Variants in SAMD12 observed in about 807,000 individuals in gnomAD.
SAMD12 encodes sterile alpha motif domain containing 12.
In SAMD12, 9 loss-of-function variants were observed where a neutral mutation model predicts 15.0. The ratio of observed to expected loss-of-function variants is 0.60; its 90% confidence interval spans 0.36 to 1.05. SAMD12 has a LOEUF of 1.05. SAMD12 is among the 50% of genes least tolerant of loss of function. The probability of loss-of-function intolerance (pLI) is 0.01; values close to 1 mark genes in which losing one functional copy is unlikely to be tolerated. For missense variants in SAMD12, 230 were observed against 234.2 expected, an observed-to-expected ratio of 0.98 and a Z score of 0.12; for synonymous variants, 86 against 90.1, an observed-to-expected ratio of 0.96 and a Z score of 0.25.
At chr8:118,151,922 C>T in the SAMD12 span, among the ~76,000 whole-genome samples, 7 of 151,532 alleles carry the variant, frequency 4.6e-5, no homozygotes, top group African/African-American at 1.5e-4. Context: ...CTGGGATATC[C>T]AAGTGGAGTG....
intron 1 of SAMD12, among the ~76,000 whole-genome samples, chr8:118,613,503 C>T (rs1828157514): frequency 6.6e-6 from 1 of 152,188 alleles, no homozygotes; most frequent in Admixed American, 6.5e-5. Flanking sequence ...TCATACTTGA[C>T]TTTTCATAGC....
chr8:118,364,568 T>A (rs1230175817), intron 4 of SAMD12, among the ~76,000 whole-genome samples: 1 of 152,154 alleles, frequency 6.6e-6, no homozygotes, highest in African/African-American at 2.4e-5. Context: ...TGAATCTGCA[T>A]AGAGCTGGAC....
chr8:118,304,654 G>A (rs547150431), intron 4 of SAMD12, among the ~76,000 whole-genome samples: 15 of 151,948 alleles, frequency 9.9e-5, no homozygotes, highest in African/African-American at 3.6e-4. Flanking sequence ...CAGATACTCG[G>A]GAGGCTGAGG....
intron 2 of SAMD12, among the ~76,000 whole-genome samples, chr8:118,527,550 ACTTT>A (rs758172201): frequency 2.0e-5 from 3 of 152,182 alleles, no homozygotes; most frequent in African/African-American, 7.2e-5. Flanking sequence ...AACAAACTAT[ACTTT>A]CTTTCTTTAC....
chr8:118,431,445 TTTTG>T (rs1164972659), intron 3 of SAMD12, among the ~76,000 whole-genome samples: 1 of 152,154 alleles, frequency 6.6e-6, no homozygotes, highest in African/African-American at 2.4e-5. Flanking sequence ...TTGCTTCAGT[TTTTG>T]TTTGTTTGGG....
At chr8:118,310,772 A>G (rs1388514342) in intron 4 of SAMD12, among the ~76,000 whole-genome samples, 1 of 152,178 alleles carries the variant, frequency 6.6e-6, no homozygotes, top group Non-Finnish European at 1.5e-5. Flanking sequence ...CGCTTCCAAC[A>G]ATTTCCTAAG....
At chr8:118,322,462 T>C (rs1226964588) in intron 4 of SAMD12, among the ~76,000 whole-genome samples, 2 of 152,232 alleles carry the variant, frequency 1.3e-5, no homozygotes, top group African/African-American at 2.4e-5. Context: ...GCTTTTAACG[T>C]AGGTATGGGT....
At chr8:118,383,718 T>TC (rs1207527592) in intron 3 of SAMD12, among the ~76,000 whole-genome samples, 1 of 152,208 alleles carries the variant, frequency 6.6e-6, no homozygotes, top group Admixed American at 6.5e-5. Context: ...GCTGGGCCCT[T>TC]CACCAACTCA....
intron 3 of SAMD12, among the ~76,000 whole-genome samples, chr8:118,435,457 C>CCTT (rs1336474155): frequency 6.6e-6 from 1 of 151,928 alleles, no homozygotes; most frequent in Non-Finnish European, 1.5e-5. Context: ...GCTATGTTTC[C>CCTT]CTTGCAGATG....
chr8:118,608,139 A>C (rs1390926395), intron 1 of SAMD12, among the ~76,000 whole-genome samples: 1 of 151,876 alleles, frequency 6.6e-6, no homozygotes, highest in Non-Finnish European at 1.5e-5. Context: ...ATAAATTTGC[A>C]TCAAGAGTAG....
chr8:118,537,591 T>C (rs905088862), intron 2 of SAMD12, among the ~76,000 whole-genome samples: 4 of 151,280 alleles, frequency 2.6e-5, no homozygotes, highest in Admixed American at 1.3e-4. Flanking sequence ...AGTATGTCAA[T>C]TGCATTTTTC....
chr8:118,172,640 T>C, the SAMD12 span, among the ~76,000 whole-genome samples: 1 of 152,236 alleles, frequency 6.6e-6, no homozygotes, highest in South Asian at 2.1e-4. Context: ...ACATATTTAA[T>C]GTATACAACT....
At position 118,383,289 on chromosome 8, in the gene SAMD12, T is replaced by C. The variant is rs141365056; in HGVS notation, c.323-3589A>G. On this transcript the variant is annotated intron_variant, in intron 3 of 3. Transcript: ENST00000314727. ...TCAGGCTGACAAGGAAGGTAGCTCA[T>C]GGCAAATGTCTACGAGTATGTGATG... is the stretch of plus-strand genomic sequence containing the variant. Among the ~76,000 whole-genome samples the C allele has an allele frequency of 8.8e-4, 134 of 152,214 alleles. 2 individuals carry two copies. In the East Asian group the frequency reaches 0.021, roughly 24 times the overall value.
At chr8:118,248,955 A>G (rs937415198) in intron 4 of SAMD12, among the ~76,000 whole-genome samples, 42 of 152,128 alleles carry the variant, frequency 2.8e-4, no homozygotes, top group Middle Eastern at 3.4e-3. Context: ...AATAAAAGGC[A>G]TGTGTGTGTG....
chr8:118,278,841 C>T (rs564631319), intron 4 of SAMD12, among the ~76,000 whole-genome samples: 68 of 152,292 alleles, frequency 4.5e-4, no homozygotes, highest in Admixed American at 1.1e-3. Flanking sequence ...AGTAAAGGTG[C>T]ATTGTTTCCA....
chr8:118,511,485 T>C (rs1825080647), intron 2 of SAMD12, among the ~76,000 whole-genome samples: 1 of 152,126 alleles, frequency 6.6e-6, no homozygotes, highest in Non-Finnish European at 1.5e-5. Context: ...ATAGATGTTT[T>C]GTAGATTGGA....
At chr8:118,191,924 T>C (rs1176972161) in exon 5 of SAMD12, 1 of 148,366 alleles carries the variant, frequency 6.7e-6, no homozygotes, top group Non-Finnish European at 1.5e-5. Context: ...AATCATATTT[T>C]TGGAATTATA....
intron 4 of SAMD12, among the ~76,000 whole-genome samples, chr8:118,210,874 A>G (rs573711078): frequency 7.9e-5 from 12 of 152,308 alleles, no homozygotes; most frequent in African/African-American, 2.9e-4. Flanking sequence ...GAACCTCCAC[A>G]TGATTTTGTT....
At chr8:118,321,372 G>T (rs1264404210) in intron 4 of SAMD12, among the ~76,000 whole-genome samples, 3 of 147,634 alleles carry the variant, frequency 2.0e-5, no homozygotes, top group African/African-American at 7.4e-5. Flanking sequence ...TCAGCACTTT[G>T]GGAAGCTGAG....
Sources: allele counts gnomAD v4.1 joint callset (sites outside exome capture counted in the v4.1 genomes callset), GRCh38; gene constraint gnomAD v4.1.1; transcripts MANE v1.5; gene names NCBI Gene and HGNC (gene_info 2026-07-23, HGNC 2026-07-21).